TAS1R2: variants seen among roughly 807,000 people sequenced by gnomAD.
The protein encoded by TAS1R2 is taste receptor type 1 member 2.
A neutral mutation model predicts 49.3 loss-of-function variants in TAS1R2; 47 were observed. That is an observed-to-expected ratio of 0.95 (90% CI 0.75 to 1.22). TAS1R2 has a LOEUF of 1.22. Among genes scored for constraint, TAS1R2 ranks in the 50% most tolerant of loss-of-function variants. The pLI, the probability that TAS1R2 is intolerant of heterozygous loss-of-function variation, is 0.00. For missense variants in TAS1R2, 1,155 were observed against 1,122.1 expected (o/e 1.03, Z -0.42); for synonymous variants, 479 against 467.9 (o/e 1.02, Z -0.31).
At chr1:18,840,628 C>A in intron 5 of TAS1R2, 101 bp from the exon 6 acceptor site, 1 of 1,255,076 alleles carries the variant, frequency 8.0e-7, no homozygotes. Context: ...GAAGAGAGAG[C>A]ACCAAGGGCA....
intron 5 of TAS1R2, 108 bp from the exon 6 acceptor site, chr1:18,840,635 G>T: frequency 8.6e-7 from 1 of 1,167,722 alleles, no homozygotes; most frequent in Non-Finnish European, 1.2e-6. Context: ...GAGCACCAAG[G>T]GCAACCCTTG....
At chr1:18,851,913 G>A (rs892532226) in intron 3 of TAS1R2, among the ~76,000 whole-genome samples, 2 of 152,328 alleles carry the variant, frequency 1.3e-5, no homozygotes, top group East Asian at 1.9e-4. Context: ...TTTGACCTGT[G>A]TATGGGACAG....
chr1:18,842,258 A>G (rs1933843704), intron 4 of TAS1R2, among the ~76,000 whole-genome samples: 19 of 152,178 alleles, frequency 1.2e-4, no homozygotes, highest in Admixed American at 1.2e-3. Context: ...GCTTACTGAA[A>G]GATTGAGACC....
chr1:18,851,335 G>GT (rs112805403), intron 3 of TAS1R2, among the ~76,000 whole-genome samples: 8,109 of 150,924 alleles, frequency 0.054, 395 homozygotes, highest in African/African-American at 0.12. Context: ...ATTTTGTTTT[G>GT]CTTTTTTTTT....
chr1:18,854,758 C>A lies in TAS1R2; in HGVS notation c.712G>T (p.Glu238Ter). The A allele has an allele frequency of 6.2e-7, 1 of 1,610,364 alleles. No homozygotes were observed. Among genetic ancestry groups the A allele is most frequent in the Non-Finnish European group, 8.5e-7 (1 of 1,179,566 alleles). The stretch of plus-strand genomic sequence containing the variant: ...TTGGGCTGCAGTGTGGGCAGCGTCT[C>A]CTGGAAGGCGATGCAGATGTCGCGC... Residue 238 changes from glutamate (E) to a stop codon, truncating the protein, a stop_gained, in exon 3 of 6, where the codon GAG becomes TAG. Transcript: ENST00000375371. LOFTEE classifies it high-confidence loss of function. This position sits in a 1 kb window ranked among gnomAD's most constrained non-coding sequence, Gnocchi z 4.9.
At position 18,839,680 on chromosome 1, in the gene TAS1R2, G is replaced by T. The variant is rs758589211; in HGVS notation, c.2439C>A (p.Tyr813Ter). 9.3e-6 allele frequency: 15 copies of T among 1,614,114 alleles called. No individual in the cohort carries two copies. In the African/African-American group the frequency reaches 1.9e-4, roughly 20 times the overall value. Residue 813 changes from tyrosine (Y) to a stop codon, truncating the protein, a stop_gained, in exon 6 of 6, where the codon TAC becomes TAA. Transcript: ENST00000375371. LOFTEE classifies it high-confidence loss of function. ...TGCGCTCCGGGTAGAAGAGGATCAT[G>T]TAGCACTTGGGGCCGAAGTAGCCCA...
In TAS1R2 at chr1:18,842,494, G is replaced by T. The variant is rs144297835; in HGVS notation, c.1468-642C>A. Among the ~76,000 whole-genome samples the T allele has an allele frequency of 6.1e-3, 928 of 152,298 alleles. 10 individuals carry two copies. The highest frequency in any genetic ancestry group is 0.013 in the South Asian group (63 of 4,818). The stretch of plus-strand genomic sequence containing the variant: ...AGCATAGTTTTAATAAACTTGAAAG[G>T]ACTGAAATAATAACAGGTATGTTCC... On this transcript the variant is annotated intron_variant, in intron 4 of 5. Coordinates refer to ENST00000375371, the Ensembl canonical transcript of TAS1R2.
intron 3 of TAS1R2, among the ~76,000 whole-genome samples, chr1:18,851,583 C>A (rs1229104752): frequency 6.6e-6 from 1 of 152,102 alleles, no homozygotes; most frequent in Non-Finnish European, 1.5e-5. Context: ...TCTGCCTCGG[C>A]CTGCCAAACT....
Position 18,854,253 on chromosome 1 carries a change from T to C in TAS1R2, c.1217A>G (p.Asp406Gly). 6.2e-7 allele frequency: 1 copy of C among 1,614,070 alleles called. No homozygotes were observed. The highest frequency in any genetic ancestry group is 2.2e-5 in the East Asian group (1 of 44,876). Residue 406 changes from aspartate to glycine, a missense_variant, in exon 3 of 6, where the codon GAC (aspartate) becomes GGC (glycine). Coordinates refer to ENST00000375371, the Ensembl canonical transcript of TAS1R2. This position sits in a 1 kb window ranked among gnomAD's most constrained non-coding sequence, Gnocchi z 4.9. ...CACCCTCTTGGTGCAGGTGCTTTTGTCACAGCCGAGGAGGCTGTGCAGGGC... is the reference window on the plus strand; with the variant it reads ...CACCCTCTTGGTGCAGGTGCTTTTGCCACAGCCGAGGAGGCTGTGCAGGGC...
Position 18,840,366 on chromosome 1 carries a change from C to T in TAS1R2, c.1753G>A (p.Val585Met), listed in dbSNP as rs144658497. 3.1e-6 allele frequency: 5 copies of T among 1,614,158 alleles called. No individual in the cohort carries two copies. The highest frequency in any genetic ancestry group is 2.2e-5 in the East Asian group (1 of 44,880). ...GTCTGGAAGTGCCTCCAGAATATCA[C>T]CAGGATGGCCAGGGTGCTGAGGAAG... Residue 585 changes from valine to methionine, a missense_variant, in exon 6 of 6, where the codon GTG (valine) becomes ATG (methionine). Coordinates refer to ENST00000375371, the Ensembl canonical transcript of TAS1R2.
intron 2 of TAS1R2, among the ~76,000 whole-genome samples, chr1:18,855,933 T>A (rs1204274911): frequency 6.6e-6 from 1 of 151,938 alleles, no homozygotes; most frequent in Non-Finnish European, 1.5e-5. Flanking sequence ...AGCTCCCCAC[T>A]CCCTCCTGTC....
intron 4 of TAS1R2, among the ~76,000 whole-genome samples, chr1:18,842,114 A>G (rs574360098): frequency 6.6e-5 from 10 of 152,314 alleles, no homozygotes; most frequent in East Asian, 1.9e-4. Flanking sequence ...CCAGAACCCA[A>G]CTGATGTGAA....
chr1:18,840,116 G>A, exon 6 of TAS1R2: 1 of 1,614,288 alleles, frequency 6.2e-7, no homozygotes, highest in Non-Finnish European at 8.5e-7. Flanking sequence ...GTAGCTGTAG[G>A]CGCGTGGGAA....
chr1:18,848,672 A>C (rs1455781542), intron 4 of TAS1R2, among the ~76,000 whole-genome samples: 1 of 152,122 alleles, frequency 6.6e-6, no homozygotes, highest in Admixed American at 6.5e-5. Flanking sequence ...CTCCTGTCAG[A>C]TCAACATCCG....
chr1:18,849,573 A>G (rs201519397), intron 3 of TAS1R2, 23 bp from the exon 4 acceptor site: 226 of 1,612,238 alleles, frequency 1.4e-4, no homozygotes, highest in Non-Finnish European at 1.4e-4. Flanking sequence ...GAGGGAAGGG[A>G]AGTGGAGCTA....
chr1:18,851,386 G>GGTGCGATCTCAGATCGGACTACAAC (rs1934022076), intron 3 of TAS1R2, among the ~76,000 whole-genome samples: 4 of 152,108 alleles, frequency 2.6e-5, no homozygotes, highest in Admixed American at 6.5e-5. Flanking sequence ...GGAGTGCAGA[G>GGTGCGATCTCAGATCGGACTACAAC]GTGCGATCTC....
chr1:18,839,759 A>G, exon 6 of TAS1R2: 1 of 1,614,260 alleles, frequency 6.2e-7, no homozygotes, highest in Non-Finnish European at 8.5e-7. Context: ...GATGGTGACC[A>G]GCACCCCGCT....
At chr1:18,841,000 G>A (rs941317750) in intron 5 of TAS1R2, among the ~76,000 whole-genome samples, 3 of 152,236 alleles carry the variant, frequency 2.0e-5, no homozygotes, top group Admixed American at 6.5e-5. Context: ...TTGACTGACT[G>A]TGGGAGGAAG....
intron 3 of TAS1R2, among the ~76,000 whole-genome samples, chr1:18,851,288 G>A (rs79084950): frequency 1.5e-4 from 23 of 152,214 alleles, no homozygotes; most frequent in African/African-American, 3.9e-4. Context: ...AGAAGAGCTC[G>A]CAACCCTGAC....
Sources: allele counts gnomAD v4.1 joint callset (sites outside exome capture counted in the v4.1 genomes callset), GRCh38; gene constraint gnomAD v4.1.1; non-coding constraint Gnocchi (gnomAD v3.1); transcripts MANE v1.5; gene names NCBI Gene and HGNC (gene_info 2026-07-23, HGNC 2026-07-21).